The following TBC1D12 variants were observed in gnomAD, a reference collection of about 807,000 sequenced individuals.
TBC1D12 encodes the protein TBC1 domain family, member 12.
Under a neutral mutation model 86.7 loss-of-function variants are expected in TBC1D12, and 56 were observed. The ratio of observed to expected loss-of-function variants is 0.65; its 90% CI spans 0.52 to 0.81. The LOEUF is 0.81. Ranked by LOEUF, TBC1D12 falls within the 30% of genes least tolerant of loss-of-function variation. The probability of loss-of-function intolerance (pLI) is 0.00; values close to 1 mark genes in which losing one functional copy is unlikely to be tolerated. For missense variants in TBC1D12, 1,023 were observed against 1,038.8 expected (o/e 0.98, Z 0.21); for synonymous variants, 421 against 411.7 (o/e 1.02, Z -0.27).
At chr10:94,445,052 A>G (rs1475139802) in intron 2 of TBC1D12, among the ~76,000 whole-genome samples, 1 of 142,968 alleles carries the variant, frequency 7.0e-6, no homozygotes, top group African/African-American at 2.6e-5. Flanking sequence ...CCTTTTTTAT[A>G]TATGTGGTAT....
At chr10:94,530,906 CT>C (rs1842403679) in intron 11 of TBC1D12, among the ~76,000 whole-genome samples, 1 of 130,668 alleles carries the variant, frequency 7.7e-6, no homozygotes, top group African/African-American at 2.9e-5. Flanking sequence ...TATCACCAGG[CT>C]GGAGTGCAGT....
At chr10:94,503,155 A>G (rs2056420352) in intron 6 of TBC1D12, among the ~76,000 whole-genome samples, 1 of 152,236 alleles carries the variant, frequency 6.6e-6, no homozygotes, top group African/African-American at 2.4e-5. Flanking sequence ...GTATTCCACA[A>G]TTTGGCTGTA....
chr10:94,414,142 A>G (rs952028684), intron 1 of TBC1D12, among the ~76,000 whole-genome samples: 1 of 152,228 alleles, frequency 6.6e-6, no homozygotes, highest in Non-Finnish European at 1.5e-5. Flanking sequence ...AAAGCTAAAG[A>G]TAATACATTG....
intron 6 of TBC1D12, among the ~76,000 whole-genome samples, chr10:94,500,932 T>G (rs545770892): frequency 2.0e-5 from 3 of 152,124 alleles, no homozygotes; most frequent in Non-Finnish European, 1.5e-5. Flanking sequence ...GACACATGCC[T>G]GTAATCCCAG....
At chr10:94,426,309 T>C (rs1052431712) in intron 1 of TBC1D12, among the ~76,000 whole-genome samples, 2 of 151,236 alleles carry the variant, frequency 1.3e-5, no homozygotes, top group African/African-American at 4.8e-5. Context: ...AAAATTATTT[T>C]TTATCTTTAT....
At chr10:94,430,637 A>G (rs1414634923) in intron 1 of TBC1D12, among the ~76,000 whole-genome samples, 1 of 152,222 alleles carries the variant, frequency 6.6e-6, no homozygotes, top group African/African-American at 2.4e-5. Flanking sequence ...TTAGGAGAAT[A>G]CAAGCACACA....
At position 94,531,182 on chromosome 10, in the gene TBC1D12, A is replaced by G; in HGVS notation, c.2001-20A>G. 1 of 1,596,310 alleles carries G rather than the reference A, an allele frequency of 6.3e-7. No homozygotes were observed. Among genetic ancestry groups the G allele is most frequent in the Non-Finnish European group, 8.6e-7 (1 of 1,169,184 alleles). On this transcript the variant is annotated intron_variant, in intron 11 of 12. Coordinates refer to ENST00000225235, the MANE Select transcript of TBC1D12 (RefSeq NM_015188.2). ...CAATGAATGAAAAATTTCAGTGACC[A>G]TTTTTCCCTCTAATTTTAGGATCTT...
intron 2 of TBC1D12, among the ~76,000 whole-genome samples, chr10:94,445,653 C>T (rs927547787): frequency 1.3e-5 from 2 of 151,902 alleles, no homozygotes; most frequent in Admixed American, 6.6e-5. Context: ...TTTCCATCTT[C>T]AAAATATGTA....
chr10:94,442,249 C>T (rs914333348), intron 2 of TBC1D12, among the ~76,000 whole-genome samples: 3 of 151,750 alleles, frequency 2.0e-5, no homozygotes, highest in Non-Finnish European at 2.9e-5. Flanking sequence ...TCAAATAGAA[C>T]GTAGACTTTT....
intron 2 of TBC1D12, among the ~76,000 whole-genome samples, chr10:94,469,884 C>T (rs114581607): frequency 2.6e-5 from 4 of 152,184 alleles, no homozygotes; most frequent in African/African-American, 4.8e-5. Context: ...GTATTGCCTC[C>T]AGGCATAACA....
At position 94,522,352 on chromosome 10, in the gene TBC1D12, A is replaced by T; in HGVS notation, c.1899A>T (p.Lys633Asn). The T allele has an allele frequency of 7.1e-7, 1 of 1,401,306 alleles. No homozygotes were observed. The highest frequency in any genetic ancestry group is 1.4e-5 in the South Asian group (1 of 73,518). The allele number at this position is 1,401,306 out of a possible 1,614,324, so 86.8% of individuals were successfully genotyped here. A position where few individuals can be genotyped will look rare whatever the true frequency, so the allele number is the denominator to read the frequency against. ...GATTTTTTAATCTTTAGATGTTGAAATATTTTGCAACATTTGAAGTATTCT... is the reference window on the plus strand; with the variant it reads ...GATTTTTTAATCTTTAGATGTTGAATTATTTTGCAACATTTGAAGTATTCT... ...FFRVDHSMML[K>N]YFATFEVFFE... The change falls in exon 11 of 13, where the codon AAA becomes AAT. Residue 633 changes from lysine (K) to asparagine (N), a missense_variant. By Grantham distance (94) the Lys-to-Asn change is moderately conservative. Transcript: ENST00000225235.
chr10:94,421,177 T>C (rs887637829), intron 1 of TBC1D12, among the ~76,000 whole-genome samples: 6 of 152,132 alleles, frequency 3.9e-5, no homozygotes, highest in African/African-American at 1.4e-4. Context: ...CTCCACCTGG[T>C]TCCCCCTGTG....
chr10:94,512,483 A>T (rs1028028060), intron 9 of TBC1D12, among the ~76,000 whole-genome samples: 8 of 152,190 alleles, frequency 5.3e-5, no homozygotes, highest in African/African-American at 1.9e-4. Flanking sequence ...GTTCATTTCT[A>T]TGTTTGTTTA....
Position 94,500,314 on chromosome 10 carries a change from A to G in TBC1D12, c.1506A>G (p.Leu502=), listed in dbSNP as rs1467210710. 5 of 1,613,552 alleles carry G rather than the reference A, an allele frequency of 3.1e-6. No homozygotes were observed. In the African/African-American group the frequency reaches 4.0e-5, roughly 13 times the overall value. ...KVWSLAVGNE[L]NITPELYEIF... is the part of the protein sequence containing the mutation. ...GGAGTCTAGCTGTAGGAAATGAACTAAATATCACTCCTGGTTTGTATTCTA... is the reference window on the plus strand; with the variant it reads ...GGAGTCTAGCTGTAGGAAATGAACTGAATATCACTCCTGGTTTGTATTCTA... The change falls in exon 6 of 13, where the codon CTA becomes CTG. Residue 502 remains leucine (L), a synonymous_variant. Transcript: ENST00000225235.
intron 1 of TBC1D12, among the ~76,000 whole-genome samples, chr10:94,431,224 G>A (rs1023474226): frequency 1.3e-5 from 2 of 152,022 alleles, no homozygotes; most frequent in Non-Finnish European, 2.9e-5. Flanking sequence ...AGACCAGCCT[G>A]GCCAACATGG....
At position 94,420,639 on chromosome 10, in the gene TBC1D12, T is replaced by C. The variant is rs534115745; in HGVS notation, c.971+17055T>C. Among the ~76,000 whole-genome samples the C allele has an allele frequency of 1.2e-3, 180 of 152,370 alleles. 6 individuals carry two copies. The South Asian group carries it at 0.037, about 32-fold the overall frequency. ...TAGTTTGTCACCGTTTATGTCTGGCTTCTTTCACTTTGCATGTTTTTAAGG... is the reference window on the plus strand; with the variant it reads ...TAGTTTGTCACCGTTTATGTCTGGCCTCTTTCACTTTGCATGTTTTTAAGG... On this transcript the variant is annotated intron_variant, in intron 1 of 12. Transcript: ENST00000225235.
chr10:94,497,068 A>C lies in TBC1D12; in HGVS notation c.1308A>C (p.Ala436=). The change falls in exon 5 of 13, where the codon GCA becomes GCC. Residue 436 remains alanine, a synonymous_variant. Transcript: ENST00000225235. ...CGTTTAAAACAGAAATTAAGGAAGC[A>C]CATAAAAGAAAAAGAATCATGAAAG... ...AEAKKREIKE[A]HKRKRIMKER... The C allele has an allele frequency of 6.4e-7, 1 of 1,563,324 alleles. No homozygotes were observed. The highest frequency in any genetic ancestry group is 1.4e-5 in the African/African-American group (1 of 71,222).
chr10:94,491,469 T>C (rs2056243980), intron 3 of TBC1D12, among the ~76,000 whole-genome samples: 2 of 152,240 alleles, frequency 1.3e-5, no homozygotes, highest in Non-Finnish European at 2.9e-5. Flanking sequence ...AATCACTGAC[T>C]CTGTGAAGCC....
intron 4 of TBC1D12, 56 bp downstream of exon 4, chr10:94,493,503 G>T: frequency 8.2e-7 from 1 of 1,215,758 alleles, no homozygotes; most frequent in Non-Finnish European, 1.2e-6. Context: ...GAAGATGGAT[G>T]GTAAAATTCA....
Sources: allele counts gnomAD v4.1 joint callset (sites outside exome capture counted in the v4.1 genomes callset), GRCh38; gene constraint gnomAD v4.1.1; transcripts MANE v1.5; gene names NCBI Gene and HGNC (gene_info 2026-07-23, HGNC 2026-07-21).